The following PSMA6 variants were observed in gnomAD, a reference collection of about 807,000 sequenced individuals.
The protein encoded by PSMA6 is proteasome 20S subunit alpha 6.
For missense variants in PSMA6, 170 were observed against 294.8 expected, an observed-to-expected ratio of 0.58 and a Z score of 3.10; for synonymous variants, 88 against 97.7, an observed-to-expected ratio of 0.90 and a Z score of 0.59.
chr14:35,308,212 G>A (rs1307953064), intron 2 of PSMA6, 124 bp downstream of exon 2: 19 of 1,289,924 alleles, frequency 1.5e-5, no homozygotes, highest in Middle Eastern at 2.8e-4. Context: ...ACCTTAGATC[G>A]GGAGTTCTAG....
intron 1 of PSMA6, among the ~76,000 whole-genome samples, chr14:35,305,238 G>A (rs371087857): frequency 3.9e-5 from 6 of 152,036 alleles, no homozygotes; most frequent in African/African-American, 1.4e-4. Context: ...GACCTCCTGG[G>A]CTCAAGTGAT....
chr14:35,314,987 T>C (rs1248256415), intron 6 of PSMA6: 1 of 78,680 alleles, frequency 1.3e-5, no homozygotes, highest in Non-Finnish European at 2.6e-5. Context: ...GTGTGTGTTC[T>C]TACTCACTAA....
chr14:35,302,401 A>G (rs1354012583), intron 1 of PSMA6, among the ~76,000 whole-genome samples: 1 of 149,996 alleles, frequency 6.7e-6, no homozygotes, highest in Non-Finnish European at 1.5e-5. Context: ...AACAACACAC[A>G]CTTATTATGT....
chr14:35,311,861 G>T (rs966224200), intron 4 of PSMA6, among the ~76,000 whole-genome samples: 1 of 152,084 alleles, frequency 6.6e-6, no homozygotes, highest in Admixed American at 6.5e-5. Context: ...GCCTGTAAGT[G>T]TATTTCAGTT....
At chr14:35,309,474 A>G (rs1341419368) in intron 3 of PSMA6, among the ~76,000 whole-genome samples, 1 of 151,604 alleles carries the variant, frequency 6.6e-6, no homozygotes, top group African/African-American at 2.4e-5. Context: ...ACATGGTGAG[A>G]CTCCATCTCT....
At chr14:35,298,912 T>G (rs548780530) in intron 1 of PSMA6, among the ~76,000 whole-genome samples, 2 of 152,220 alleles carry the variant, frequency 1.3e-5, no homozygotes, top group East Asian at 3.9e-4. Flanking sequence ...TTTTGCATTT[T>G]TAGTACAGAC....
At chr14:35,296,036 C>CA (rs2051580242) in intron 1 of PSMA6, among the ~76,000 whole-genome samples, 1 of 152,066 alleles carries the variant, frequency 6.6e-6, no homozygotes, top group Non-Finnish European at 1.5e-5. Context: ...TGTATGTGAG[C>CA]ACTGCCTGGT....
At chr14:35,300,937 A>G in intron 1 of PSMA6, among the ~76,000 whole-genome samples, 1 of 152,170 alleles carries the variant, frequency 6.6e-6, no homozygotes, top group East Asian at 1.9e-4. Flanking sequence ...TTATTTTTAG[A>G]CATGTCTGTG....
chr14:35,306,005 C>A (rs926553833), intron 1 of PSMA6, among the ~76,000 whole-genome samples: 1 of 151,972 alleles, frequency 6.6e-6, no homozygotes, highest in African/African-American at 2.4e-5. Context: ...GTGGGAGGAT[C>A]GCTTGAGTCC....
chr14:35,292,463 G>C lies in PSMA6; in HGVS notation c.-14G>C, dbSNP rs372791678. On this transcript the variant is annotated 5_prime_UTR_variant, in exon 1 of 7. Coordinates refer to ENST00000261479, the MANE Select transcript of PSMA6 (RefSeq NM_002791.3). ...GGGCCCAGGGATTGTGTTTAAAGTA[G>C]TGCTTCTACCAACATGTCCCGTGGT... 13 of 1,612,446 alleles carry C rather than the reference G, an allele frequency of 8.1e-6. No individual in the cohort carries two copies. Among genetic ancestry groups the C allele is most frequent in the Non-Finnish European group, 1.1e-5 (13 of 1,179,240 alleles).
chr14:35,309,158 G>A (rs2051890132), intron 3 of PSMA6, among the ~76,000 whole-genome samples, 163 bp downstream of exon 3: 1 of 152,184 alleles, frequency 6.6e-6, no homozygotes. Context: ...TATTTTAAGA[G>A]TATTGTGAGC....
At chr14:35,291,140 C>T (rs1566550263), upstream of PSMA6, among the ~76,000 whole-genome samples, 1 of 151,904 alleles carries the variant, frequency 6.6e-6, no homozygotes, top group Non-Finnish European at 1.5e-5. Context: ...TACTGGCGCG[C>T]GCCACCACGC....
intron 1 of PSMA6, among the ~76,000 whole-genome samples, chr14:35,281,773 T>TA (rs1296841747): frequency 3.9e-5 from 6 of 152,018 alleles, no homozygotes; most frequent in Non-Finnish European, 5.9e-5. Flanking sequence ...AATTTTTTTT[T>TA]AAATTATAAA....
At chr14:35,316,463 T>C (rs1431822822) in intron 6 of PSMA6, 2 of 152,074 alleles carry the variant, frequency 1.3e-5, no homozygotes, top group African/African-American at 4.8e-5. Context: ...ATTCATAGAA[T>C]TATAACTTTA....
At chr14:35,290,795 G>A (rs2051469069), upstream of PSMA6, among the ~76,000 whole-genome samples, 1 of 152,130 alleles carries the variant, frequency 6.6e-6, no homozygotes, top group Admixed American at 6.5e-5. Context: ...GTGCCTTGGG[G>A]AAAGTCAAAA....
intron 1 of PSMA6, among the ~76,000 whole-genome samples, chr14:35,298,834 C>G (rs2051650914): frequency 6.6e-6 from 1 of 150,878 alleles, no homozygotes; most frequent in Non-Finnish European, 1.5e-5. Flanking sequence ...CCCAGGTTAA[C>G]TCAATTATCC....
intron 6 of PSMA6, 182 bp downstream of exon 6, chr14:35,314,637 A>G: frequency 1.6e-6 from 1 of 639,040 alleles, no homozygotes; most frequent in East Asian, 4.1e-5. Flanking sequence ...TTTAAGAGTC[A>G]GATATGAAAG....
At chr14:35,304,510 A>C (rs757399928) in intron 1 of PSMA6, among the ~76,000 whole-genome samples, 3 of 151,842 alleles carry the variant, frequency 2.0e-5, no homozygotes, top group Non-Finnish European at 4.4e-5. Context: ...TGGGTGTACT[A>C]CCTGAGGTCA....
chr14:35,306,479 A>G (rs743227), intron 1 of PSMA6, among the ~76,000 whole-genome samples: 44,627 of 151,994 alleles, frequency 0.29, 9,439 homozygotes, highest in African/African-American at 0.6. Context: ...TGAGGCAGGC[A>G]GATCACCTGA....
Sources: gnomAD v4.1 joint callset for allele counts (sites outside exome capture counted in the v4.1 genomes callset) on GRCh38, gnomAD v4.1.1 for gene constraint, MANE v1.5 for transcripts, NCBI Gene and HGNC (gene_info 2026-07-23, HGNC 2026-07-21) for gene names.